DHX35: variants seen among roughly 807,000 people sequenced by gnomAD.
DHX35 encodes the protein DEAH-box helicase 35, also known as probable ATP-dependent RNA helicase DHX35.
DHX35 carries 84 observed loss-of-function variants against 99.6 expected under a neutral mutation model. The observed-to-expected ratio is 0.84, with a 90% CI of 0.71 to 1.01. The LOEUF (loss-of-function observed/expected upper bound fraction) is 1.01, where lower values mean the gene tolerates loss of function less well. DHX35 is among the 50% of genes least tolerant of loss of function. The pLI is 0.00. For synonymous variants in DHX35, 331 were observed against 316.2 expected, an observed-to-expected ratio of 1.05 and a Z score of -0.50; for missense variants, 852 against 888.5, an observed-to-expected ratio of 0.96 and a Z score of 0.52.
intron 21 of DHX35, among the ~76,000 whole-genome samples, chr20:39,037,877 A>G (rs1426564178): frequency 1.3e-5 from 2 of 152,168 alleles, no homozygotes; most frequent in Admixed American, 6.5e-5. Context: ...TATGATTAGA[A>G]TATTGTGCTT....
intron 5 of DHX35, 51 bp downstream of exon 5, chr20:38,988,968 T>C (rs1375606184): frequency 1.0e-5 from 16 of 1,595,998 alleles, no homozygotes; most frequent in East Asian, 2.3e-5. Flanking sequence ...GAAGGTTATT[T>C]TGGGAGAATT....
intron 1 of DHX35, among the ~76,000 whole-genome samples, chr20:38,963,755 T>TGTGTTCAGGAGACAAATACAG (rs1229540430): frequency 2.0e-5 from 3 of 152,250 alleles, no homozygotes; most frequent in Non-Finnish European, 4.4e-5. Flanking sequence ...AACCTAATCC[T>TGTGTTCAGGAGACAAATACAG]GTGTTCAGGA....
At chr20:38,978,292 A>G in intron 3 of DHX35, 1 of 764,458 alleles carries the variant, frequency 1.3e-6, no homozygotes, top group Non-Finnish European at 2.4e-6. Context: ...GACCGTTCTT[A>G]AAGATAACTG....
intron 8 of DHX35, among the ~76,000 whole-genome samples, chr20:38,996,805 G>A (rs780896523): frequency 2.3e-4 from 35 of 152,048 alleles, no homozygotes; most frequent in Non-Finnish European, 5.1e-4. Context: ...GTAACTTTTG[G>A]GTTAAAGCTC....
intron 2 of DHX35, among the ~76,000 whole-genome samples, chr20:38,969,872 A>G (rs2085967481): frequency 6.6e-6 from 1 of 152,248 alleles, no homozygotes; most frequent in Non-Finnish European, 1.5e-5. Context: ...CTGTTGGCAC[A>G]TCCACATGGG....
Position 39,025,403 on chromosome 20 carries a change from C to T in DHX35, c.1801+44C>T, listed in dbSNP as rs1168292453. ...AGCTGGTGACCTCCCTTGCTTCATT[C>T]TGTTGAGTTGTCTTCCTAAAGTTCT... On this transcript the variant is annotated intron_variant, in intron 18 of 21. Transcript: ENST00000252011. The T allele has an allele frequency of 1.9e-6, 3 of 1,601,232 alleles. No individual in the cohort carries two copies. The South Asian group carries it at 3.4e-5, about 18-fold the overall frequency.
At position 39,002,932 on chromosome 20, in the gene DHX35, C is replaced by A. The variant is rs182875587; in HGVS notation, c.852+64C>A. ...AGACAGCACCAAAAGTAATACAGAG[C>A]CTTGTTACTTTACTCAGTCATGTAT... is the stretch of plus-strand genomic sequence containing the variant. On this transcript the variant is annotated intron_variant, in intron 10 of 21. Coordinates refer to ENST00000252011, the MANE Select transcript of DHX35 (RefSeq NM_021931.4). The A allele has an allele frequency of 4.0e-4, 542 of 1,343,388 alleles. 1 individual carries two copies. The African/African-American group carries it at 7.0e-3, about 17-fold the overall frequency. 83.2% of individuals were successfully genotyped at this position (1,343,388 alleles called of 1,614,324 possible).
intron 8 of DHX35, among the ~76,000 whole-genome samples, chr20:39,000,967 C>G (rs2086510142): frequency 6.6e-6 from 1 of 152,122 alleles, no homozygotes; most frequent in Non-Finnish European, 1.5e-5. Context: ...GTCACATTCC[C>G]CAAGAGAGGA....
intron 14 of DHX35, among the ~76,000 whole-genome samples, chr20:39,017,459 T>C (rs1184450733): frequency 6.6e-6 from 1 of 152,224 alleles, no homozygotes; most frequent in Non-Finnish European, 1.5e-5. Flanking sequence ...GGAGTTTTTA[T>C]TTGGGCTGGT....
At chr20:39,034,670 C>G (rs1184757720) in intron 21 of DHX35, among the ~76,000 whole-genome samples, 1 of 151,784 alleles carries the variant, frequency 6.6e-6, no homozygotes, top group Non-Finnish European at 1.5e-5. Context: ...TCACTGCAAG[C>G]TCCGTTTCCC....
At chr20:38,964,275 C>T (rs1188008061) in intron 1 of DHX35, among the ~76,000 whole-genome samples, 1 of 152,048 alleles carries the variant, frequency 6.6e-6, no homozygotes, top group Non-Finnish European at 1.5e-5. Flanking sequence ...TTAGAATGTC[C>T]AGAAAGCCAA....
chr20:38,983,636 T>C, intron 3 of DHX35, 63 bp from the exon 4 acceptor site: 8 of 1,366,692 alleles, frequency 5.9e-6, no homozygotes, highest in Non-Finnish European at 8.3e-6. Context: ...CGGGAGCATC[T>C]TGGGGGAGAT....
At chr20:39,016,575 C>T (rs757737549) in intron 14 of DHX35, among the ~76,000 whole-genome samples, 2 of 152,104 alleles carry the variant, frequency 1.3e-5, no homozygotes, top group Non-Finnish European at 2.9e-5. Flanking sequence ...CACTTTTTGG[C>T]TGATATAAAT....
At chr20:39,012,797 C>T (rs1232498132) in intron 13 of DHX35, among the ~76,000 whole-genome samples, 1 of 152,194 alleles carries the variant, frequency 6.6e-6, no homozygotes, top group Non-Finnish European at 1.5e-5. Context: ...TCCCAAAGTG[C>T]TGGGATTACA....
In DHX35 at chr20:39,002,783, A is replaced by G. The variant is rs1391723249; in HGVS notation, c.767A>G (p.Asp256Gly). 5.0e-6 allele frequency: 8 copies of G among 1,613,996 alleles called. No individual in the cohort carries two copies. In the East Asian group the frequency reaches 1.6e-4, roughly 31 times the overall value. ...ATTTGTCTTTTCAGTCCTGTTCCAG[A>G]TTATATCAAATCAACTGTCGAAACT... is the stretch of plus-strand genomic sequence containing the variant. ...DIFYLQSPVP[D>G]YIKSTVETVV... is the part of the protein sequence containing the mutation. Residue 256 changes from aspartate to glycine, a missense_variant, in exon 10 of 22, where the codon GAT becomes GGT. Coordinates refer to ENST00000252011, the MANE Select transcript of DHX35 (RefSeq NM_021931.4).
At chr20:39,016,130 C>T (rs1165375589) in intron 14 of DHX35, among the ~76,000 whole-genome samples, 1 of 152,184 alleles carries the variant, frequency 6.6e-6, no homozygotes, top group East Asian at 1.9e-4. Flanking sequence ...AGCCTGCTTC[C>T]ACTCAAGGTG....
chr20:39,001,995 C>T (rs181432534), intron 9 of DHX35, among the ~76,000 whole-genome samples, 153 bp downstream of exon 9: 5 of 152,330 alleles, frequency 3.3e-5, no homozygotes, highest in East Asian at 1.9e-4. Flanking sequence ...TACCCTGCTC[C>T]GGATCACTGC....
rs559138243 is a variant in DHX35, at chr20:38,993,114, A to G, written c.582+689A>G. Among the ~76,000 whole-genome samples, 24 of 151,542 alleles carry G rather than the reference A, an allele frequency of 1.6e-4. No homozygotes were observed. The South Asian group carries it at 5.0e-3, about 31-fold the overall frequency. On this transcript the variant is annotated intron_variant, in intron 7 of 21. Coordinates refer to ENST00000252011, the MANE Select transcript of DHX35 (RefSeq NM_021931.4). ...GATTCCCAATTAGAGTCTAGAAAGA[A>G]GTGGTAGAACAGGGTGATTAAGAGC...
chr20:38,984,288 T>C (rs2086218171), intron 4 of DHX35, among the ~76,000 whole-genome samples: 1 of 152,144 alleles, frequency 6.6e-6, no homozygotes. Context: ...TTTTAAACAA[T>C]AAAGTGCTGA....
Sources: allele counts gnomAD v4.1 joint callset (sites outside exome capture counted in the v4.1 genomes callset), GRCh38; gene constraint gnomAD v4.1.1; transcripts MANE v1.5; gene names NCBI Gene and HGNC (gene_info 2026-07-23, HGNC 2026-07-21).